ACCSL: variants seen among roughly 807,000 people sequenced by gnomAD.
ACCSL encodes the protein 1-aminocyclopropane-1-carboxylate synthase homolog (inactive) like, also known as probable inactive 1-aminocyclopropane-1-carboxylate synthase-like protein 2.
In ACCSL, 55 loss-of-function variants were observed where a neutral mutation model predicts 61.7. The observed-to-expected ratio is 0.89, with a 90% CI of 0.72 to 1.12. ACCSL has a LOEUF of 1.12. ACCSL is among the 50% of genes most tolerant of loss of function. The pLI is 0.00. For missense variants in ACCSL, 632 were observed against 698.0 expected (o/e 0.91, Z 1.07); for synonymous variants, 258 against 264.3 (o/e 0.98, Z 0.23).
At chr11:44,036,694 A>G in the ACCSL span, among the ~76,000 whole-genome samples, 1 of 151,522 alleles carries the variant, frequency 6.6e-6, no homozygotes, top group Non-Finnish European at 1.5e-5. Flanking sequence ...AGGCAGGAGC[A>G]TCGCTTGAAC....
chr11:44,024,439 C>CTG, the ACCSL span, among the ~76,000 whole-genome samples: 160 of 48,948 alleles, frequency 3.3e-3, no homozygotes, highest in African/African-American at 9.8e-3. Flanking sequence ...CTCTCTCTCT[C>CTG]TCTGTGTGTG....
At position 44,048,222 on chromosome 11, in the gene ACCSL, G is replaced by A; in HGVS notation, c.186G>A (p.Glu62=). The change falls in exon 1 of 14, where the codon GAG becomes GAA. Residue 62 remains glutamate (E), a synonymous_variant. Transcript: ENST00000378832. The part of the protein sequence containing the change: ...GLSLEERRHT[E]AICEHEALLS... Reference sequence around the variant, plus strand: ...CGCTGGAGGAAAGGAGGCACACTGAGGCCATCTGTGAGCATGAAGCCCTTC... The same window carrying A: ...CGCTGGAGGAAAGGAGGCACACTGAAGCCATCTGTGAGCATGAAGCCCTTC... The A allele has an allele frequency of 5.0e-6, 8 of 1,614,180 alleles. No individual in the cohort carries two copies. The highest frequency in any genetic ancestry group is 6.8e-6 in the Non-Finnish European group (8 of 1,180,030).
chr11:44,023,041 C>CTTTTTTTTTTTTTT, the ACCSL span, among the ~76,000 whole-genome samples: 31 of 86,390 alleles, frequency 3.6e-4, no homozygotes, highest in African/African-American at 5.7e-4. Context: ...TCTTCTTCTT[C>CTTTTTTTTTTTTTT]TTTTTTTTTT....
At chr11:44,053,344 G>A in intron 7 of ACCSL, 62 bp from the exon 8 acceptor site, 1 of 1,541,424 alleles carries the variant, frequency 6.5e-7, no homozygotes, top group Non-Finnish European at 9.0e-7. Context: ...AAGATCCTTG[G>A]CTGAATTTAG....
At chr11:43,982,480 G>A in the ACCSL span, among the ~76,000 whole-genome samples, 41,373 of 151,636 alleles carry the variant, frequency 0.27, 5,807 homozygotes, top group South Asian at 0.31. Flanking sequence ...AGCCCGCCTC[G>A]GCCTCCCAAA....
intron 11 of ACCSL, among the ~76,000 whole-genome samples, chr11:44,057,741 C>T (rs926359352): frequency 6.6e-6 from 1 of 151,136 alleles, no homozygotes; most frequent in Non-Finnish European, 1.5e-5. Context: ...GGGATTGACT[C>T]CTTGCCTCAG....
the ACCSL span, among the ~76,000 whole-genome samples, chr11:43,945,841 C>A: frequency 1.3e-5 from 2 of 151,838 alleles, no homozygotes; most frequent in Non-Finnish European, 1.5e-5. Context: ...AGAGTGAGAC[C>A]CTGTCTGAAA....
the ACCSL span, among the ~76,000 whole-genome samples, chr11:44,030,372 G>T: frequency 6.6e-6 from 1 of 151,120 alleles, no homozygotes; most frequent in African/African-American, 2.4e-5. Context: ...GGACACAGAC[G>T]TCCAGAAGCC....
the ACCSL span, among the ~76,000 whole-genome samples, chr11:43,938,527 C>T: frequency 2.0e-5 from 3 of 152,124 alleles, no homozygotes; most frequent in Admixed American, 6.5e-5. Flanking sequence ...AAAGTGGCTG[C>T]GTGCAGTGAC....
At chr11:43,922,609 A>G in the ACCSL span, among the ~76,000 whole-genome samples, 1 of 152,154 alleles carries the variant, frequency 6.6e-6, no homozygotes, top group East Asian at 1.9e-4. Context: ...ACAGAATCCA[A>G]CTTCTGGTGA....
At chr11:43,956,887 G>A in the ACCSL span, among the ~76,000 whole-genome samples, 1 of 152,092 alleles carries the variant, frequency 6.6e-6, no homozygotes, top group Non-Finnish European at 1.5e-5. Context: ...AGGTGGTTTA[G>A]TATTTATACA....
the ACCSL span, among the ~76,000 whole-genome samples, chr11:43,960,672 A>G: frequency 6.6e-6 from 1 of 152,198 alleles, no homozygotes; most frequent in African/African-American, 2.4e-5. Flanking sequence ...GGCATGAGCT[A>G]TCATGCCCAG....
the ACCSL span, chr11:43,943,409 T>G: frequency 7.0e-7 from 1 of 1,433,782 alleles, no homozygotes. This position sits in a 1 kb window ranked among gnomAD's most constrained non-coding sequence, Gnocchi z 4.8. Context: ...GCGCTCGGAC[T>G]CCCGCCCCGC....
chr11:43,921,730 A>G, the ACCSL span, among the ~76,000 whole-genome samples: 1 of 152,148 alleles, frequency 6.6e-6, no homozygotes, highest in African/African-American at 2.4e-5. Flanking sequence ...TGTCACACCC[A>G]TGTCTTCCAG....
chr11:43,945,145 C>T, the ACCSL span: 1 of 152,258 alleles, frequency 6.6e-6, no homozygotes, highest in East Asian at 1.9e-4. Flanking sequence ...TGGCCCGTGT[C>T]CCAGTCCCTG....
the ACCSL span, chr11:43,922,270 C>T: frequency 1.1e-4 from 17 of 152,340 alleles, no homozygotes; most frequent in African/African-American, 3.8e-4. Context: ...ATCTCCAAGA[C>T]GTTAGGTAAG....
chr11:44,018,828 A>G, the ACCSL span, among the ~76,000 whole-genome samples: 1 of 152,184 alleles, frequency 6.6e-6, no homozygotes, highest in African/African-American at 2.4e-5. Context: ...ATAAAACGAA[A>G]ATTAAAAATT....
the ACCSL span, among the ~76,000 whole-genome samples, chr11:44,018,780 C>G: frequency 6.6e-6 from 1 of 152,180 alleles, no homozygotes; most frequent in Admixed American, 6.5e-5. Context: ...CCAGCCTGGA[C>G]AGCATACTAA....
chr11:43,960,394 G>A, the ACCSL span, among the ~76,000 whole-genome samples: 64 of 151,766 alleles, frequency 4.2e-4, no homozygotes, highest in African/African-American at 1.2e-3. Context: ...TGCCTTTTTC[G>A]TTTGTTTGTT....
Sources: allele counts gnomAD v4.1 joint callset (sites outside exome capture counted in the v4.1 genomes callset), GRCh38; gene constraint gnomAD v4.1.1; non-coding constraint Gnocchi (gnomAD v3.1); transcripts MANE v1.5; gene names NCBI Gene and HGNC (gene_info 2026-07-23, HGNC 2026-07-21).